The following PDXDC1 variants were observed in gnomAD, a reference collection of about 807,000 sequenced individuals.
The protein encoded by PDXDC1 is pyridoxal-dependent decarboxylase domain-containing protein 1.
In PDXDC1, 42 loss-of-function variants were observed where a neutral mutation model predicts 100.1. The observed-to-expected ratio is 0.42, with a 90% CI of 0.33 to 0.54. The LOEUF (loss-of-function observed/expected upper bound fraction) is 0.54, where lower values mean the gene tolerates loss of function less well. Ranked by LOEUF, PDXDC1 falls within the 20% of genes least tolerant of loss-of-function variation. The pLI, the probability that PDXDC1 is intolerant of heterozygous loss-of-function variation, is 0.10. For synonymous variants in PDXDC1, 260 were observed against 371.7 expected (o/e 0.70, Z 3.46); for missense variants, 636 against 979.2 (o/e 0.65, Z 4.68).
chr16:15,075,249 C>CTA (rs1567201836), intron 16 of PDXDC1, among the ~76,000 whole-genome samples: 1 of 135,262 alleles, frequency 7.4e-6, no homozygotes, highest in Non-Finnish European at 1.6e-5. Context: ...CTGTGCCCCA[C>CTA]CAAAAAAAAA....
chr16:15,051,146 G>A (rs1336484458), intron 16 of PDXDC1, among the ~76,000 whole-genome samples: 1 of 152,224 alleles, frequency 6.6e-6, no homozygotes, highest in Admixed American at 6.5e-5. Flanking sequence ...AGAAGGGAGG[G>A]CGCAAAGGCG....
intron 8 of PDXDC1, among the ~76,000 whole-genome samples, chr16:15,012,316 G>T (rs1743461341): frequency 6.6e-6 from 1 of 152,212 alleles, no homozygotes; most frequent in Admixed American, 6.5e-5. Flanking sequence ...TGTTGGCCAG[G>T]CTGGTCTTGA....
intron 16 of PDXDC1, chr16:15,127,859 C>T: frequency 6.4e-7 from 1 of 1,565,808 alleles, no homozygotes; most frequent in Non-Finnish European, 8.6e-7. Flanking sequence ...TGCAGCTCAG[C>T]CACCAGCAGG....
At chr16:15,069,133 T>C (rs1419910354) in intron 16 of PDXDC1, among the ~76,000 whole-genome samples, 2 of 152,110 alleles carry the variant, frequency 1.3e-5, no homozygotes, top group African/African-American at 4.8e-5. Flanking sequence ...CAACTTTCAG[T>C]TTAGAGCTGT....
Position 15,124,255 on chromosome 16 carries a change from G to A in PDXDC1, c.1400-14624G>A, listed in dbSNP as rs2047580475. 2.6e-5 allele frequency among the ~76,000 whole-genome samples: 4 copies of A among 152,256 alleles called. No individual in the cohort carries two copies. In the South Asian group the frequency reaches 8.3e-4, roughly 32 times the overall value. Reference sequence around the variant, plus strand: ...ACCCCCACTGTCCATCACCTTTCCTGGCCCTGTCCTCAGCTAAACTTCCCA... The same window carrying A: ...ACCCCCACTGTCCATCACCTTTCCTAGCCCTGTCCTCAGCTAAACTTCCCA... On this transcript the variant is annotated intron_variant, in intron 16 of 16. Coordinates refer to the PDXDC1 transcript ENST00000535621.
chr16:15,086,230 G>A (rs769161555), intron 16 of PDXDC1: 3 of 1,584,438 alleles, frequency 1.9e-6, no homozygotes, highest in Non-Finnish European at 2.6e-6. Context: ...TTCCACTACT[G>A]TTTGACTTCT....
chr16:15,130,752 A>C (rs549938483), intron 16 of PDXDC1: 4 of 1,344,608 alleles, frequency 3.0e-6, no homozygotes, highest in African/African-American at 2.8e-5. Context: ...GTGCAGGTAG[A>C]CTGCCAGGTA....
At position 15,036,375 on chromosome 16, in the gene PDXDC1, T is replaced by C; in HGVS notation, c.*100T>C. 2.5e-6 allele frequency: 3 copies of C among 1,180,940 alleles called. No homozygotes were observed. The highest frequency in any genetic ancestry group is 2.1e-4 in the Middle Eastern group (1 of 4,870). 73.2% of individuals were successfully genotyped at this position (1,180,940 alleles called of 1,614,324 possible). On this transcript the variant is annotated 3_prime_UTR_variant, in exon 23 of 23. Transcript: ENST00000396410. Reference sequence around the variant, plus strand: ...TGCCACATACTAATATAAATTACTGTTGTTTGTGCTTCACTGGGATTTTGG... The same window carrying C: ...TGCCACATACTAATATAAATTACTGCTGTTTGTGCTTCACTGGGATTTTGG...
At chr16:15,083,753 G>A (rs935244802) in intron 16 of PDXDC1, 46 of 828,488 alleles carry the variant, frequency 5.6e-5, no homozygotes, top group Non-Finnish European at 7.5e-5. Flanking sequence ...TTTCGCTCTT[G>A]TTGCCCAGGC....
intron 6 of PDXDC1, among the ~76,000 whole-genome samples, chr16:15,007,157 CTTTTTTTTTT>C (rs56256230): frequency 4.0e-3 from 299 of 73,858 alleles, no homozygotes; most frequent in African/African-American, 0.014. Flanking sequence ...AAGAGCATGA[CTTTTTTTTTT>C]TTTTTTTTTT....
rs543477667 is a variant in PDXDC1, at chr16:15,135,800, C to T, written c.1400-3079C>T. 4.8e-5 allele frequency: 73 copies of T among 1,536,646 alleles called. 1 individual carries two copies. The Middle Eastern group carries it at 7.1e-4, about 15-fold the overall frequency. On this transcript the variant is annotated intron_variant, in intron 16 of 16. Transcript: ENST00000535621. ...GCCACCCTCAGTGATGGGCACCAGGCGCTCAGGGGCCACCGTCACATTGGC... is the reference window on the plus strand; with the variant it reads ...GCCACCCTCAGTGATGGGCACCAGGTGCTCAGGGGCCACCGTCACATTGGC...
rs1480614698 is a variant in PDXDC1 at position 15,135,142 on chromosome 16, C to G, written c.1400-3737C>G. ...AGGAAGCAAAGCTGAAGCAGGCTGT[C>G]GTGTTACGTAGAATTTGCATCAGAA... On this transcript the variant is annotated intron_variant, in intron 16 of 16. Transcript: ENST00000535621. 3 of 737,252 alleles carry G rather than the reference C, an allele frequency of 4.1e-6. No individual in the cohort carries two copies. In the South Asian group the frequency reaches 4.7e-5, roughly 12 times the overall value. 45.7% of individuals were successfully genotyped at this position (737,252 alleles called of 1,614,324 possible). A position where few individuals can be genotyped will look rare whatever the true frequency, so the allele number is the denominator to read the frequency against.
At chr16:15,028,171 AG>A (rs1419307277) in intron 14 of PDXDC1, among the ~76,000 whole-genome samples, 2 of 152,280 alleles carry the variant, frequency 1.3e-5, no homozygotes, top group Non-Finnish European at 2.9e-5. Flanking sequence ...GTTGTGCCTC[AG>A]TCAGACCAGT....
At chr16:15,040,564 T>C (rs924979454), downstream of PDXDC1, 7 of 173,228 alleles carry the variant, frequency 4.0e-5, no homozygotes, top group Non-Finnish European at 7.3e-5. Flanking sequence ...CATGATGCCT[T>C]TTCCGCGGGA....
At chr16:14,996,520 A>G (rs1972009622) in intron 1 of PDXDC1, 1 of 183,198 alleles carries the variant, frequency 5.5e-6, no homozygotes, top group East Asian at 1.7e-4. Flanking sequence ...TTTTCTCCCT[A>G]AACATAACTA....
intron 16 of PDXDC1, among the ~76,000 whole-genome samples, chr16:15,098,770 T>G (rs2377183): frequency 2.1e-4 from 32 of 151,928 alleles, no homozygotes; most frequent in Admixed American, 1.6e-3. Context: ...CCCAGCTACT[T>G]GGGAGGCTGA....
At chr16:15,093,092 T>C (rs1428252839) in intron 16 of PDXDC1, among the ~76,000 whole-genome samples, 1 of 151,920 alleles carries the variant, frequency 6.6e-6, no homozygotes, top group African/African-American at 2.4e-5. Context: ...GCAACCTCCA[T>C]CTCCCGGGTT....
At chr16:15,029,620 A>G (rs2042902571) in intron 15 of PDXDC1, 1 of 496,462 alleles carries the variant, frequency 2.0e-6, no homozygotes, top group Admixed American at 3.6e-5. Flanking sequence ...CAACAACTAC[A>G]ACTCCCTGCC....
At chr16:15,071,290 G>C (rs2045216035) in intron 16 of PDXDC1, 1 of 1,545,024 alleles carries the variant, frequency 6.5e-7, no homozygotes, top group African/African-American at 1.4e-5. Context: ...CTTTTTTAAT[G>C]CCTAAGATAA....
Sources: allele counts gnomAD v4.1 joint callset (sites outside exome capture counted in the v4.1 genomes callset), GRCh38; gene constraint gnomAD v4.1.1; transcripts MANE v1.5; gene names NCBI Gene and HGNC (gene_info 2026-07-23, HGNC 2026-07-21).